The following SUCO variants were observed in gnomAD, a reference collection of about 807,000 sequenced individuals.
The protein encoded by SUCO is SUN domain containing ossification factor.
SUCO carries 57 observed loss-of-function variants against 148.1 expected under a neutral mutation model. The ratio of observed to expected loss-of-function variants is 0.38; its 90% CI spans 0.31 to 0.48. The LOEUF (loss-of-function observed/expected upper bound fraction) is 0.48, where lower values mean the gene tolerates loss of function less well. Among genes scored for constraint, SUCO ranks in the 20% least tolerant of loss-of-function variants. The pLI is 0.96. For synonymous variants in SUCO, 470 were observed against 502.7 expected, an observed-to-expected ratio of 0.93 and a Z score of 0.87; for missense variants, 1,331 against 1,468.2, an observed-to-expected ratio of 0.91 and a Z score of 1.53.
Position 172,570,099 on chromosome 1 carries a change from C to A in SUCO, c.909C>A (p.Val303=). ...SNGGSHATKK[V]QKNRNNYASV... ...GAGGTTCACATGCCACCAAAAAGGTCCAGAAAAATCGAAATAATTATGCCT... is the reference window on the plus strand; with the variant it reads ...GAGGTTCACATGCCACCAAAAAGGTACAGAAAAATCGAAATAATTATGCCT... The change falls in exon 8 of 24, where the codon GTC becomes GTA. Residue 303 remains valine (V), a synonymous_variant. Transcript: ENST00000263688. 6.3e-7 allele frequency: 1 copy of A among 1,594,274 alleles called. No homozygotes were observed. The highest frequency in any genetic ancestry group is 8.6e-7 in the Non-Finnish European group (1 of 1,168,656).
intron 1 of SUCO, 70 bp downstream of exon 1, chr1:172,533,567 C>G (rs1158748000): frequency 1.3e-5 from 19 of 1,446,656 alleles, no homozygotes; most frequent in Non-Finnish European, 1.7e-5. Flanking sequence ...CAGGTCACAC[C>G]CCCTGGTCAT....
intron 9 of SUCO, among the ~76,000 whole-genome samples, chr1:172,573,434 C>T (rs577903070): frequency 1.3e-5 from 2 of 152,104 alleles, no homozygotes; most frequent in African/African-American, 4.8e-5. Flanking sequence ...GTGTGTACTT[C>T]GATATAGCAA....
At chr1:172,598,396 T>C (rs1028659676) in intron 19 of SUCO, among the ~76,000 whole-genome samples, 1 of 152,210 alleles carries the variant, frequency 6.6e-6, no homozygotes, top group Non-Finnish European at 1.5e-5. Flanking sequence ...CCAATTTTAT[T>C]CTTTTACAAG....
chr1:172,567,752 A>G (rs1436126002), intron 6 of SUCO, among the ~76,000 whole-genome samples: 1 of 152,238 alleles, frequency 6.6e-6, no homozygotes, highest in East Asian at 1.9e-4. Context: ...TTTAGGGATT[A>G]TGCACATCTT....
At position 172,602,065 on chromosome 1, in the gene SUCO, T is replaced by C. The variant is rs1217345102; in HGVS notation, c.3020T>C (p.Val1007Ala). 1 of 1,607,204 alleles carries C rather than the reference T, an allele frequency of 6.2e-7. No individual in the cohort carries two copies. Among genetic ancestry groups the C allele is most frequent in the East Asian group, 2.2e-5 (1 of 44,666 alleles). The change falls in exon 21 of 24, where the codon GTT becomes GCT. Residue 1007 changes from valine (V) to alanine (A), a missense_variant and splice_region_variant. Val to Ala is a moderately conservative substitution (Grantham distance 64, BLOSUM62 0). Transcript: ENST00000263688. ...SATVAELKRE[V>A]SDRQSYLVIS... ...TATTTAACCCTCTTCTCATCTCAGG[T>C]TTCAGATCGACAAAGCTATCTTGTC...
At chr1:172,570,202 A>T in intron 8 of SUCO, 31 bp downstream of exon 8, 1 of 1,397,274 alleles carries the variant, frequency 7.2e-7, no homozygotes, top group Non-Finnish European at 9.7e-7. Context: ...TTTTGTATAT[A>T]TAGGAAATTA....
chr1:172,557,147 A>G (rs1653811782), intron 4 of SUCO, 133 bp from the exon 5 acceptor site: 2 of 1,403,818 alleles, frequency 1.4e-6, no homozygotes, highest in Non-Finnish European at 1.9e-6. Context: ...CAAGTCAGCA[A>G]TTGACTTTAC....
At chr1:172,557,219 T>TA in intron 4 of SUCO, 61 bp from the exon 5 acceptor site, 1 of 1,552,698 alleles carries the variant, frequency 6.4e-7, no homozygotes, top group African/African-American at 1.4e-5. Context: ...ATAGTGTTTT[T>TA]AATGTATATT....
In SUCO at chr1:172,561,885, C is replaced by T. The variant is rs78913269; in HGVS notation, c.732+4091C>T. Among the ~76,000 whole-genome samples the T allele has an allele frequency of 7.1e-3, 1,074 of 152,238 alleles. 16 individuals are homozygous for T. Among genetic ancestry groups the T allele is most frequent in the African/African-American group, 0.025 (1,022 of 41,536 alleles). ...AAATCTTTGCCATTAACATTGCATC[C>T]AGCACCTTCTGACAACAAGGAGGAA... On this transcript the variant is annotated intron_variant, in intron 6 of 23. Coordinates refer to ENST00000263688, the MANE Select transcript of SUCO (RefSeq NM_014283.5).
upstream of SUCO, chr1:172,532,615 CA>C: frequency 6.2e-7 from 1 of 1,613,960 alleles, no homozygotes; most frequent in Non-Finnish European, 8.5e-7. Flanking sequence ...GAACTGTGCT[CA>C]AAAGAGGAAA....
Position 172,589,512 on chromosome 1 carries a change from A to G in SUCO, c.2411A>G (p.Asp804Gly), listed in dbSNP as rs758639283. The change falls in exon 18 of 24, where the codon GAT becomes GGT. Residue 804 changes from aspartate (D) to glycine (G), a missense_variant. Physicochemically the swap from Asp to Gly is moderately conservative, Grantham distance 94. Coordinates refer to ENST00000263688, the MANE Select transcript of SUCO (RefSeq NM_014283.5). ...ACAAATAAAGTTAATGAGTTAATGG[A>G]TAATATTATAAAAGAAGATGTGAAC... The part of the protein sequence containing the change: ...YETNKVNELM[D>G]NIIKEDVNSM... 1 of 1,613,006 alleles carries G rather than the reference A, an allele frequency of 6.2e-7. No homozygotes were observed. The highest frequency in any genetic ancestry group is 1.1e-5 in the South Asian group (1 of 90,986).
chr1:172,576,811 TTTAC>T (rs1388389805), intron 11 of SUCO: 7 of 724,590 alleles, frequency 9.7e-6, no homozygotes, highest in Non-Finnish European at 1.2e-5. Context: ...GCAAGAAACA[TTTAC>T]TTACAGCTCA....
intron 7 of SUCO, chr1:172,569,578 G>A (rs1479444351): frequency 4.5e-6 from 4 of 884,798 alleles, no homozygotes; most frequent in Non-Finnish European, 5.4e-6. Context: ...GGCAGAGGAG[G>A]GTGACTAAAA....
chr1:172,594,910 A>T (rs1211860577), intron 19 of SUCO, among the ~76,000 whole-genome samples: 2 of 152,116 alleles, frequency 1.3e-5, no homozygotes. Context: ...TGGGAGTCTG[A>T]GTCTCATTGT....
chr1:172,571,093 A>G (rs1166616746), intron 9 of SUCO, among the ~76,000 whole-genome samples: 1 of 152,248 alleles, frequency 6.6e-6, no homozygotes, highest in African/African-American at 2.4e-5. Context: ...AATGAGGCAG[A>G]GGTATTCAGG....
chr1:172,555,534 A>C (rs1403321429), intron 3 of SUCO, among the ~76,000 whole-genome samples: 2 of 152,178 alleles, frequency 1.3e-5, no homozygotes, highest in Admixed American at 6.5e-5. Flanking sequence ...TGTTTTGTAC[A>C]TGTCCATAGG....
chr1:172,533,483 G>A lies in SUCO; in HGVS notation c.48G>A (p.Leu16=). ...TGGCCCTGGTCTCCTGCCTCTTTCTGTGCTCTCTGGTCTGGTGAGTAGCCG... is the reference window on the plus strand; with the variant it reads ...TGGCCCTGGTCTCCTGCCTCTTTCTATGCTCTCTGGTCTGGTGAGTAGCCG... ...RALALVSCLF[L]CSLVWLPSWR... Residue 16 remains leucine (L), a synonymous_variant, in exon 1 of 24, where the codon CTG becomes CTA. Coordinates refer to ENST00000263688, the MANE Select transcript of SUCO (RefSeq NM_014283.5). The A allele has an allele frequency of 6.4e-7, 1 of 1,562,854 alleles. No individual in the cohort carries two copies. The highest frequency in any genetic ancestry group is 1.2e-5 in the South Asian group (1 of 84,694).
intron 15 of SUCO, among the ~76,000 whole-genome samples, chr1:172,580,928 C>G (rs1325820221): frequency 3.3e-5 from 5 of 150,852 alleles, no homozygotes; most frequent in Admixed American, 1.3e-4. Context: ...ATGGTGAAAC[C>G]CCATCTCTAC....
At position 172,533,291 on chromosome 1, in the gene SUCO, G is replaced by C; in HGVS notation, c.-145G>C. 6.5e-7 allele frequency: 1 copy of C among 1,550,196 alleles called. No individual in the cohort carries two copies. The highest frequency in any genetic ancestry group is 1.2e-5 in the South Asian group (1 of 83,990). On this transcript the variant is annotated 5_prime_UTR_variant, in exon 1 of 24. Transcript: ENST00000263688. ...GAGGGCTGCCAGGACGCGAGCCACT[G>C]AGGAGCCGCTCAGCCAGCGCCATAG...
Sources: allele counts gnomAD v4.1 joint callset (sites outside exome capture counted in the v4.1 genomes callset), GRCh38; gene constraint gnomAD v4.1.1; transcripts MANE v1.5; gene names NCBI Gene and HGNC (gene_info 2026-07-23, HGNC 2026-07-21).